The following CHGB variants were observed in gnomAD, a reference collection of about 807,000 sequenced individuals.
CHGB encodes the protein secretogranin-1.
A neutral mutation model predicts 69.9 loss-of-function variants in CHGB; 46 were observed. That is an observed-to-expected ratio of 0.66 (90% CI 0.52 to 0.84). The LOEUF (loss-of-function observed/expected upper bound fraction) is 0.84, where lower values mean the gene tolerates loss of function less well. CHGB is among the 40% of genes least tolerant of loss of function. The pLI, the probability that CHGB is intolerant of heterozygous loss-of-function variation, is 0.00. For missense variants in CHGB, 796 were observed against 822.2 expected (o/e 0.97, Z 0.39); for synonymous variants, 312 against 298.2 (o/e 1.05, Z -0.48).
At position 5,922,429 on chromosome 20, in the gene CHGB, C is replaced by T; in HGVS notation, c.285C>T (p.Ala95=). 3 of 1,611,722 alleles carry T rather than the reference C, an allele frequency of 1.9e-6. No homozygotes were observed. The highest frequency in any genetic ancestry group is 2.5e-6 in the Non-Finnish European group (3 of 1,177,976). Residue 95 remains alanine (A), a synonymous_variant, in exon 4 of 5, where the codon GCC becomes GCT. Coordinates refer to ENST00000378961, the MANE Select transcript of CHGB (RefSeq NM_001819.3). ...LLRDPADASE[A]HESSSRGEAG... is the part of the protein sequence containing the mutation. ...GAGACCCAGCTGATGCCTCGGAAGC[C>T]CACGAGTCCTCCAGCAGGGGAGAGG...
chr20:5,920,262 G>A (rs956724865), intron 3 of CHGB, among the ~76,000 whole-genome samples: 6 of 152,212 alleles, frequency 3.9e-5, no homozygotes, highest in African/African-American at 9.6e-5. Flanking sequence ...GTAGGCAGTA[G>A]GAAAGGGACC....
At chr20:5,914,849 T>G (rs2088466493) in intron 1 of CHGB, 2 of 152,236 alleles carry the variant, frequency 1.3e-5, no homozygotes, top group Non-Finnish European at 2.9e-5. Context: ...CAGATCATGC[T>G]TTGAAAAGAA....
intron 1 of CHGB, 37 bp from the exon 2 acceptor site, chr20:5,916,289 A>G: frequency 1.3e-6 from 2 of 1,597,164 alleles, no homozygotes; most frequent in Non-Finnish European, 1.7e-6. Flanking sequence ...TTCAAAAACC[A>G]ACTCAAGTCA....
chr20:5,923,297 G>A lies in CHGB; in HGVS notation c.1153G>A (p.Asp385Asn), dbSNP rs1170997186. ...PQSEESWDEE[D>N]KRNYPSLELD... ...GAGTGAGGAGAGTTGGGATGAGGAG[G>A]ACAAGAGAAACTACCCCAGCTTAGA... Residue 385 changes from aspartate (D) to asparagine (N), a missense_variant, in exon 4 of 5, where the codon GAC becomes AAC. Asp to Asn is a conservative substitution (Grantham distance 23). Transcript: ENST00000378961. The A allele has an allele frequency of 3.1e-6, 5 of 1,613,558 alleles. No individual in the cohort carries two copies. The highest frequency in any genetic ancestry group is 4.2e-6 in the Non-Finnish European group (5 of 1,180,008).
chr20:5,918,148 TA>T (rs10647882), intron 3 of CHGB, among the ~76,000 whole-genome samples: 902 of 86,042 alleles, frequency 0.01, 9 homozygotes, highest in African/African-American at 0.041. Context: ...AGACTCCATC[TA>T]AAAAAAAAAA....
chr20:5,916,793 G>C (rs774287961), intron 2 of CHGB, 33 bp from the exon 3 acceptor site: 8 of 1,605,410 alleles, frequency 5.0e-6, no homozygotes, highest in South Asian at 1.1e-5. Context: ...AGTGATACCA[G>C]CTTCTCCAAC....
rs140646779 is a variant in CHGB at position 5,922,733 on chromosome 20, G to T, written c.589G>T (p.Ala197Ser). ...HLEEPGETQN[A>S]FLNERKQASA... is the part of the protein sequence containing the mutation. The stretch of plus-strand genomic sequence containing the variant: ...TGAAGAGCCAGGAGAGACACAAAAC[G>T]CTTTTCTCAATGAAAGAAAGCAGGC... The change falls in exon 4 of 5, where the codon GCT becomes TCT. Residue 197 changes from alanine to serine, a missense_variant. Physicochemically the swap from Ala to Ser is moderately conservative, Grantham distance 99 (BLOSUM62 1). This residue lies in a region of CHGB where 518 missense variants were observed against 506.3 expected (regional missense o/e 1.02). Transcript: ENST00000378961. The T allele has an allele frequency of 6.2e-7, 1 of 1,614,138 alleles. No homozygotes were observed. Among genetic ancestry groups the T allele is most frequent in the Non-Finnish European group, 8.5e-7 (1 of 1,180,016 alleles).
rs1209613902 is a variant in CHGB, at chr20:5,923,768, A to G, written c.1624A>G (p.Met542Val). 1.9e-6 allele frequency: 3 copies of G among 1,614,202 alleles called. No homozygotes were observed. The highest frequency in any genetic ancestry group is 1.1e-5 in the South Asian group (1 of 91,080). ...CAGCCATTTTGAAAGAAGAGACAAC[A>G]TGAATGACAATTTTCTCGAGGGTGA... is the stretch of plus-strand genomic sequence containing the variant. ...KSSHFERRDN[M>V]NDNFLEGEEE... The change falls in exon 4 of 5, where the codon ATG (methionine) becomes GTG (valine). Residue 542 changes from methionine (M) to valine (V), a missense_variant. Around this residue, in one of 3 missense-constraint regions of CHGB, gnomAD observed 274 missense variants for 298.9 expected, o/e 0.92. Transcript: ENST00000378961.
intron 1 of CHGB, among the ~76,000 whole-genome samples, chr20:5,911,925 G>A (rs2088449297): frequency 6.6e-6 from 1 of 152,206 alleles, no homozygotes; most frequent in South Asian, 2.1e-4. Context: ...CTGTATCTGA[G>A]TTTTCCTCTA....
intron 3 of CHGB, among the ~76,000 whole-genome samples, chr20:5,919,375 G>A (rs2268339): frequency 0.094 from 14,243 of 152,196 alleles, 1,053 homozygotes; most frequent in Admixed American, 0.18. Context: ...CTGAGATGGC[G>A]AAGGTTTAAG....
Position 5,922,498 on chromosome 20 carries a change from A to C in CHGB, c.354A>C (p.Ala118=), listed in dbSNP as rs1384744325. Reference sequence around the variant, plus strand: ...AGGACATCCAAGGCCCAACAAAGGCAGACACAGAGAAATGGGCAGAGGGAG... The same window carrying C: ...AGGACATCCAAGGCCCAACAAAGGCCGACACAGAGAAATGGGCAGAGGGAG... ...GEEDIQGPTK[A]DTEKWAEGGG... The change falls in exon 4 of 5, where the codon GCA becomes GCC. Residue 118 remains alanine (A), a synonymous_variant. Coordinates refer to ENST00000378961, the MANE Select transcript of CHGB (RefSeq NM_001819.3). 2 of 1,613,334 alleles carry C rather than the reference A, an allele frequency of 1.2e-6. No individual in the cohort carries two copies. Among genetic ancestry groups the C allele is most frequent in the South Asian group, 1.1e-5 (1 of 91,010 alleles).
In CHGB at chr20:5,916,301, T is replaced by C. The variant is rs1312049387; in HGVS notation, c.50-25T>C. ...GCTTTCAAAAACCAACTCAAGTCAT[T>C]TTCCATTCTTTTTCTCCTTCAAAGC... On this transcript the variant is annotated intron_variant, in intron 1 of 4. Coordinates refer to ENST00000378961, the MANE Select transcript of CHGB (RefSeq NM_001819.3). 2.5e-6 allele frequency: 4 copies of C among 1,609,076 alleles called. No homozygotes were observed. The East Asian group carries it at 6.7e-5, about 27-fold the overall frequency.
rs2088445884 is a variant in CHGB, at chr20:5,911,515, G to A, written c.-119G>A. 2 of 1,106,018 alleles carry A rather than the reference G, an allele frequency of 1.8e-6. No individual in the cohort carries two copies. The highest frequency in any genetic ancestry group is 1.4e-5 in the South Asian group (1 of 69,820). The allele number at this position is 1,106,018 out of a possible 1,614,324, so 68.5% of individuals were successfully genotyped here. A position where few individuals can be genotyped will look rare whatever the true frequency, so the allele number is the denominator to read the frequency against. On this transcript the variant is annotated 5_prime_UTR_variant, in exon 1 of 5. Transcript: ENST00000378961. ...GGGCCTGCGCCGGCCGCGCCACACC[G>A]CGGGGACCAGGAGGCACGCTGGTTT...
At chr20:5,920,325 A>G (rs1437656038) in intron 3 of CHGB, among the ~76,000 whole-genome samples, 1 of 152,216 alleles carries the variant, frequency 6.6e-6, no homozygotes, top group African/African-American at 2.4e-5. Flanking sequence ...CTCTATTTCA[A>G]CCAACTCTCA....
In CHGB at chr20:5,921,091, T is replaced by A. The variant is rs964173234; in HGVS notation, c.191-1244T>A. 9.8e-5 allele frequency among the ~76,000 whole-genome samples: 15 copies of A among 152,322 alleles called. 1 individual carries two copies. The South Asian group carries it at 3.1e-3, about 32-fold the overall frequency. ...AAAAAGAGACAGGTGGAAATTAATT[T>A]CAATAATATATTTTATTTTTATCCA... is the stretch of plus-strand genomic sequence containing the variant. On this transcript the variant is annotated intron_variant, in intron 3 of 4. Coordinates refer to ENST00000378961, the MANE Select transcript of CHGB (RefSeq NM_001819.3).
At chr20:5,917,129 A>G in intron 3 of CHGB, 1 of 584,700 alleles carries the variant, frequency 1.7e-6, no homozygotes, top group Non-Finnish European at 3.1e-6. Context: ...TATAGGAAAG[A>G]CAGTTTGCCT....
At position 5,916,872 on chromosome 20, in the gene CHGB, C is replaced by T. The variant is rs752879627; in HGVS notation, c.143C>T (p.Ser48Phe). ...IEVLSNALSK[S>F]SAPPITPECR... ...GTCCTCTCAAATGCCTTGTCGAAGTCCAGCGCTCCACCCATCACCCCTGAG... is the reference window on the plus strand; with the variant it reads ...GTCCTCTCAAATGCCTTGTCGAAGTTCAGCGCTCCACCCATCACCCCTGAG... The change falls in exon 3 of 5, where the codon TCC becomes TTC. Residue 48 changes from serine to phenylalanine, a missense_variant. Physicochemically the swap from Ser to Phe is radical, Grantham distance 155. Around this residue, in one of 3 missense-constraint regions of CHGB, gnomAD observed 518 missense variants for 506.3 expected, o/e 1.02. Transcript: ENST00000378961. 1 of 1,614,176 alleles carries T rather than the reference C, an allele frequency of 6.2e-7. No individual in the cohort carries two copies.
At chr20:5,921,960 C>T (rs1488474402) in intron 3 of CHGB, among the ~76,000 whole-genome samples, 1 of 152,134 alleles carries the variant, frequency 6.6e-6, no homozygotes, top group Non-Finnish European at 1.5e-5. Flanking sequence ...TTATACCATG[C>T]TGAGTCTCAA....
chr20:5,913,424 T>G (rs1286527769), intron 1 of CHGB, among the ~76,000 whole-genome samples: 1 of 152,116 alleles, frequency 6.6e-6, no homozygotes, highest in African/African-American at 2.4e-5. Flanking sequence ...AGCTGGTAAT[T>G]TGCAAAATTA....
Sources: allele counts gnomAD v4.1 joint callset (sites outside exome capture counted in the v4.1 genomes callset), GRCh38; gene constraint gnomAD v4.1.1; regional missense constraint gnomAD v4.1.1; transcripts MANE v1.5; gene names NCBI Gene and HGNC (gene_info 2026-07-23, HGNC 2026-07-21).